CTNNA1: variants seen among roughly 807,000 people sequenced by gnomAD.
CTNNA1 encodes the protein catenin alpha 1, also known as catenin alpha-1.
CTNNA1 carries 37 observed loss-of-function variants against 98.4 expected under a neutral mutation model. That is an observed-to-expected ratio of 0.38 (90% CI 0.29 to 0.49). The LOEUF is 0.49. Ranked by LOEUF, CTNNA1 falls within the 20% of genes least tolerant of loss-of-function variation. The probability of loss-of-function intolerance (pLI) is 0.95; values close to 1 mark genes in which losing one functional copy is unlikely to be tolerated. For missense variants in CTNNA1, 761 were observed against 1,147.2 expected, an observed-to-expected ratio of 0.66 and a Z score of 4.86; for synonymous variants, 404 against 413.2, an observed-to-expected ratio of 0.98 and a Z score of 0.27.
chr5:138,809,357 C>T (rs946894777), intron 3 of CTNNA1, among the ~76,000 whole-genome samples: 1 of 152,096 alleles, frequency 6.6e-6, no homozygotes, highest in Non-Finnish European at 1.5e-5. Flanking sequence ...CCAGTCTTTC[C>T]TCTGTATTTA....
Position 138,934,791 on chromosome 5 carries a change from C to T in CTNNA1, c.*702C>T, listed in dbSNP as rs1766193304. 1 of 152,658 alleles carries T rather than the reference C, an allele frequency of 6.6e-6. No individual in the cohort carries two copies. Among genetic ancestry groups the T allele is most frequent in the Non-Finnish European group, 1.5e-5 (1 of 68,100 alleles). 9.5% of individuals were successfully genotyped at this position (152,658 alleles called of 1,614,324 possible). A position where few individuals can be genotyped will look rare whatever the true frequency, so the allele number is the denominator to read the frequency against. ...TCAAATGCAAATTCATCATTGGGCT[C>T]ACTTCTAATAACTGCAGTGTTTCCC... On this transcript the variant is annotated 3_prime_UTR_variant, in exon 18 of 18. Coordinates refer to ENST00000302763, the MANE Select transcript of CTNNA1 (RefSeq NM_001903.5).
At chr5:138,845,781 T>A (rs1222314428) in intron 7 of CTNNA1, among the ~76,000 whole-genome samples, 1 of 152,200 alleles carries the variant, frequency 6.6e-6, no homozygotes. Context: ...AATTTAGAGC[T>A]TTTAAGCTTA....
Position 138,908,773 on chromosome 5 carries a change from AAG to A in CTNNA1, c.1389+4335_1389+4336del, listed in dbSNP as rs202247586. On this transcript the variant is annotated intron_variant, in intron 10 of 17. Transcript: ENST00000302763. ...TTTGGCGATTTGTTATCATTAAGAA[AAG>A]AGGAGGTAGGTCGGCTCTCTCTCTG... Among the ~76,000 whole-genome samples, 292 of 152,230 alleles carry A rather than the reference AAG, an allele frequency of 1.9e-3. 10 individuals are homozygous for A. In the East Asian group the frequency reaches 0.034, roughly 18 times the overall value.
At chr5:138,864,899 C>A (rs1196675924) in intron 7 of CTNNA1, among the ~76,000 whole-genome samples, 1 of 152,082 alleles carries the variant, frequency 6.6e-6, no homozygotes. Flanking sequence ...ACTACAACCT[C>A]CGCCTTCCAG....
chr5:138,779,707 G>A (rs143574826), intron 1 of CTNNA1, among the ~76,000 whole-genome samples: 259 of 68,026 alleles, frequency 3.8e-3, no homozygotes, highest in East Asian at 8.2e-3. Context: ...GATAACACTG[G>A]TTTTTTTTTG....
chr5:138,892,414 A>C (rs1339262316), intron 9 of CTNNA1, among the ~76,000 whole-genome samples: 1 of 127,340 alleles, frequency 7.9e-6, no homozygotes, highest in Non-Finnish European at 1.5e-5. Context: ...ATCTTGGCTC[A>C]CTGCAACCTC....
rs570934251 is a variant in CTNNA1, at chr5:138,895,504, G to T, written c.1296+7862G>T. On this transcript the variant is annotated intron_variant, in intron 9 of 17. Coordinates refer to ENST00000302763, the MANE Select transcript of CTNNA1 (RefSeq NM_001903.5). ...CTGACATTGATTTGAGCAGTTTTTT[G>T]GGGGGGGGGATGGGAGTGGCTAGAA... Among the ~76,000 whole-genome samples, 209 of 63,306 alleles carry T rather than the reference G, an allele frequency of 3.3e-3. 4 individuals carry two copies. The East Asian group carries it at 0.039, about 12-fold the overall frequency. The allele number at this position is 63,306 out of a possible 152,430, so 41.5% of individuals were successfully genotyped here.
intron 9 of CTNNA1, among the ~76,000 whole-genome samples, chr5:138,902,884 G>A (rs1427912762): frequency 6.6e-6 from 1 of 151,762 alleles, no homozygotes; most frequent in Non-Finnish European, 1.5e-5. Context: ...ATGAATATTT[G>A]TTTCCTTTTT....
chr5:138,769,033 C>A (rs1161567620), intron 1 of CTNNA1, among the ~76,000 whole-genome samples: 3 of 151,916 alleles, frequency 2.0e-5, no homozygotes, highest in Non-Finnish European at 4.4e-5. Flanking sequence ...TTTTAGAGGC[C>A]ATTCTTTCTT....
At chr5:138,793,318 A>T (rs1756576304) in intron 3 of CTNNA1, among the ~76,000 whole-genome samples, 1 of 152,244 alleles carries the variant, frequency 6.6e-6, no homozygotes, top group African/African-American at 2.4e-5. Context: ...TGTTTCAAGG[A>T]TGCTGTCTGC....
At chr5:138,775,798 C>T (rs1254745790) in intron 1 of CTNNA1, among the ~76,000 whole-genome samples, 9 of 142,374 alleles carry the variant, frequency 6.3e-5, no homozygotes, top group Non-Finnish European at 1.5e-5. Flanking sequence ...TCTCGGTTCA[C>T]TGCAACCTCC....
intron 9 of CTNNA1, among the ~76,000 whole-genome samples, chr5:138,893,781 G>A (rs574584252): frequency 1.3e-5 from 2 of 151,824 alleles, no homozygotes; most frequent in African/African-American, 4.8e-5. Flanking sequence ...GTGCCACCAC[G>A]CCCACGTAAT....
chr5:138,767,886 C>A (rs1047574842), intron 1 of CTNNA1, among the ~76,000 whole-genome samples: 1 of 152,138 alleles, frequency 6.6e-6, no homozygotes, highest in African/African-American at 2.4e-5. Context: ...ACATGTAATA[C>A]CTTTTAAAGA....
At chr5:138,859,114 G>GTA in intron 7 of CTNNA1, among the ~76,000 whole-genome samples, 1 of 152,190 alleles carries the variant, frequency 6.6e-6, no homozygotes, top group East Asian at 1.9e-4. Flanking sequence ...TTCCTAAATG[G>GTA]TATACATGTG....
intron 13 of CTNNA1, among the ~76,000 whole-genome samples, chr5:138,926,462 C>T (rs985422464): frequency 2.6e-5 from 4 of 152,242 alleles, no homozygotes; most frequent in African/African-American, 4.8e-5. Context: ...CTGCAACAGG[C>T]GTCCACCCAC....
At chr5:138,850,187 T>G (rs1371236967) in intron 7 of CTNNA1, among the ~76,000 whole-genome samples, 9 of 152,232 alleles carry the variant, frequency 5.9e-5, no homozygotes, top group Non-Finnish European at 1.2e-4. Flanking sequence ...TGATTCCACA[T>G]GCCCTCTTTT....
rs942254218 is a variant in CTNNA1 at position 138,779,538 on chromosome 5, A to C, written c.-2-2385A>C. 5.9e-5 allele frequency among the ~76,000 whole-genome samples: 9 copies of C among 151,832 alleles called. No homozygotes were observed. In the East Asian group the frequency reaches 1.8e-3, roughly 30 times the overall value. On this transcript the variant is annotated intron_variant, in intron 1 of 17. Transcript: ENST00000302763. ...TAATGGGAAATGGTCCGTTTTTTAA[A>C]AAAAAAATAAGTAGAAATGGGATCT...
chr5:138,778,384 G>C (rs972263509), intron 1 of CTNNA1, among the ~76,000 whole-genome samples: 6 of 152,156 alleles, frequency 3.9e-5, no homozygotes, highest in African/African-American at 1.4e-4. Flanking sequence ...TTGAGGTTAT[G>C]TAATTTTCAG....
intron 7 of CTNNA1, 88 bp from the exon 8 acceptor site, chr5:138,886,124 A>G (rs1030476518): frequency 2.8e-6 from 4 of 1,408,934 alleles, no homozygotes; most frequent in Non-Finnish European, 3.9e-6. Flanking sequence ...CTGCTTTTTC[A>G]GTGTTGACAT....
Sources: gnomAD v4.1 joint callset for allele counts (sites outside exome capture counted in the v4.1 genomes callset) on GRCh38, gnomAD v4.1.1 for gene constraint, MANE v1.5 for transcripts, NCBI Gene and HGNC (gene_info 2026-07-23, HGNC 2026-07-21) for gene names.